ROBO1: variants seen among roughly 807,000 people sequenced by gnomAD.
The protein encoded by ROBO1 is roundabout guidance receptor 1, also known as roundabout homolog 1.
In ROBO1, 149 loss-of-function variants were observed where a neutral mutation model predicts 195.9. The observed-to-expected ratio is 0.76, with a 90% CI of 0.67 to 0.87. ROBO1 has a LOEUF of 0.87. Ranked by LOEUF, ROBO1 falls within the 40% of genes least tolerant of loss-of-function variation. ROBO1 has a pLI of 0.00. For synonymous variants in ROBO1, 816 were observed against 733.2 expected (o/e 1.11, Z -1.82); for missense variants, 1,933 against 2,068.3 (o/e 0.93, Z 1.27).
chr3:78,860,601 T>C (rs2034773272), intron 4 of ROBO1, among the ~76,000 whole-genome samples: 1 of 152,042 alleles, frequency 6.6e-6, no homozygotes, highest in African/African-American at 2.4e-5. Context: ...AACCACAGAT[T>C]GACATGGCTG....
chr3:79,714,184 G>A (rs995453659), intron 1 of ROBO1, among the ~76,000 whole-genome samples: 18 of 152,152 alleles, frequency 1.2e-4, no homozygotes, highest in Admixed American at 3.3e-4. Context: ...AAAAGTGGGA[G>A]AAGGATATGA....
intron 2 of ROBO1, among the ~76,000 whole-genome samples, chr3:79,516,067 C>T (rs1278139477): frequency 6.6e-6 from 1 of 152,064 alleles, no homozygotes; most frequent in East Asian, 1.9e-4. Flanking sequence ...ATTAACAGAT[C>T]CTTCGCTTTC....
intron 2 of ROBO1, among the ~76,000 whole-genome samples, chr3:79,426,357 T>C (rs1208427090): frequency 6.6e-6 from 1 of 152,028 alleles, no homozygotes; most frequent in African/African-American, 2.4e-5. Context: ...TCATATATAA[T>C]TTTGTTGTTG....
intron 3 of ROBO1, among the ~76,000 whole-genome samples, chr3:79,001,796 G>A (rs2077510690): frequency 6.6e-6 from 1 of 151,754 alleles, no homozygotes; most frequent in African/African-American, 2.4e-5. Flanking sequence ...AATACTGAAG[G>A]CAACCTCACT....
intron 4 of ROBO1, among the ~76,000 whole-genome samples, chr3:78,838,481 T>C (rs908244300): frequency 2.0e-5 from 3 of 152,204 alleles, no homozygotes; most frequent in African/African-American, 4.8e-5. Context: ...TCTGGAAAAG[T>C]TGAAGACTGG....
chr3:79,384,585 GTAGATGAGGCT>G (rs2036673640), intron 2 of ROBO1, among the ~76,000 whole-genome samples: 1 of 151,930 alleles, frequency 6.6e-6, no homozygotes, highest in South Asian at 2.1e-4. Flanking sequence ...TTATTATAAG[GTAGATGAGGCT>G]TTATTTTCAA....
chr3:79,587,563 TGAA>T (rs1943867709), intron 2 of ROBO1, among the ~76,000 whole-genome samples: 1 of 151,776 alleles, frequency 6.6e-6, no homozygotes. Flanking sequence ...ACATTTCTGA[TGAA>T]GGAGATTTTT....
intron 4 of ROBO1, among the ~76,000 whole-genome samples, chr3:78,818,944 T>A (rs2030516115): frequency 6.6e-6 from 1 of 152,222 alleles, no homozygotes; most frequent in Non-Finnish European, 1.5e-5. Flanking sequence ...TTAGTTATTG[T>A]TAATCTCTTC....
At chr3:78,695,296 GTA>G (rs2081262712) in intron 8 of ROBO1, among the ~76,000 whole-genome samples, 1 of 152,136 alleles carries the variant, frequency 6.6e-6, no homozygotes, top group South Asian at 2.1e-4. Context: ...TTAGGCTAAT[GTA>G]TTTGCATATC....
chr3:79,125,616 AGACACAAGTAAATCCACATGT>A (rs2080201848), intron 2 of ROBO1, 77 bp from the exon 3 acceptor site: 1 of 1,044,448 alleles, frequency 9.6e-7, no homozygotes, highest in Admixed American at 1.9e-5. Flanking sequence ...CAGCATGTCC[AGACACAAGTAAATCCACATGT>A]GACAGAAAAA....
intron 2 of ROBO1, among the ~76,000 whole-genome samples, chr3:79,506,679 G>A (rs1940416561): frequency 5.3e-5 from 8 of 152,058 alleles, no homozygotes. Context: ...TCCTGACCTC[G>A]TGATCCACCC....
intron 2 of ROBO1, among the ~76,000 whole-genome samples, chr3:79,574,001 T>C (rs937228733): frequency 1.3e-5 from 2 of 152,148 alleles, no homozygotes; most frequent in Non-Finnish European, 2.9e-5. Context: ...AGGGAAACTC[T>C]AGACAGAGGA....
At chr3:79,122,788 A>C (rs2080144031) in intron 3 of ROBO1, among the ~76,000 whole-genome samples, 1 of 151,942 alleles carries the variant, frequency 6.6e-6, no homozygotes, top group Non-Finnish European at 1.5e-5. Context: ...TAGTGAAATA[A>C]TGATCTTCTT....
At position 79,669,156 on chromosome 3, in the gene ROBO1, C is replaced by T. The variant is rs190049159; in HGVS notation, c.-50-79195G>A. Among the ~76,000 whole-genome samples the T allele has an allele frequency of 5.3e-5, 8 of 151,880 alleles. No individual in the cohort carries two copies. The East Asian group carries it at 1.4e-3, about 26-fold the overall frequency. ...AACTGAATCATGGGAGCGGGTCTTT[C>T]CCATGCTGTTCTCATGATAGCGAAT... On this transcript the variant is annotated intron_variant, in intron 1 of 30. Coordinates refer to ENST00000464233, the MANE Select transcript of ROBO1 (RefSeq NM_002941.4).
chr3:78,661,889 TATC>T, intron 15 of ROBO1, 101 bp downstream of exon 15: 2 of 1,300,622 alleles, frequency 1.5e-6, no homozygotes, highest in Non-Finnish European at 2.1e-6. Context: ...ACTATAAAGT[TATC>T]ATTAATGTAC....
In ROBO1 at chr3:79,264,162, G is replaced by A. The variant is rs141612146; in HGVS notation, c.89-138623C>T. Among the ~76,000 whole-genome samples, 55 of 152,086 alleles carry A rather than the reference G, an allele frequency of 3.6e-4. 1 individual carries two copies. The East Asian group carries it at 0.011, about 29-fold the overall frequency. ...TGGCCTTATTTGAACATACAGAACT[G>A]ATTCATCCTGCTTTTTCAACCCACT... On this transcript the variant is annotated intron_variant, in intron 2 of 30. Transcript: ENST00000464233.
At chr3:78,882,926 C>T (rs1029754790) in intron 4 of ROBO1, among the ~76,000 whole-genome samples, 2 of 151,518 alleles carry the variant, frequency 1.3e-5, no homozygotes, top group African/African-American at 4.8e-5. Context: ...AATGATCCTG[C>T]CTCAGCCTCC....
intron 1 of ROBO1, among the ~76,000 whole-genome samples, chr3:79,593,670 G>T (rs1231122462): frequency 6.6e-6 from 1 of 151,914 alleles, no homozygotes; most frequent in Non-Finnish European, 1.5e-5. Context: ...GAGTACAGTG[G>T]TGCTATCTTG....
At chr3:79,295,880 A>C (rs2109043098) in intron 2 of ROBO1, among the ~76,000 whole-genome samples, 1 of 152,188 alleles carries the variant, frequency 6.6e-6, no homozygotes, top group East Asian at 1.9e-4. Flanking sequence ...AAAAAGAACA[A>C]AACAACTAAA....
Sources: gnomAD v4.1 joint callset for allele counts (sites outside exome capture counted in the v4.1 genomes callset) on GRCh38, gnomAD v4.1.1 for gene constraint, MANE v1.5 for transcripts, NCBI Gene and HGNC (gene_info 2026-07-23, HGNC 2026-07-21) for gene names.